The following RALGPS2 variants were observed in gnomAD, a reference collection of about 807,000 sequenced individuals.
RALGPS2 encodes ras-specific guanine nucleotide-releasing factor RalGPS2.
RALGPS2 carries 43 observed loss-of-function variants against 86.8 expected under a neutral mutation model. The observed-to-expected ratio is 0.50, with a 90% CI of 0.39 to 0.64. The LOEUF (loss-of-function observed/expected upper bound fraction) is 0.64. Among genes scored for constraint, RALGPS2 ranks in the 30% least tolerant of loss-of-function variants. The pLI is 0.00. For missense variants in RALGPS2, 536 were observed against 694.6 expected, an observed-to-expected ratio of 0.77 and a Z score of 2.57; for synonymous variants, 243 against 231.3, an observed-to-expected ratio of 1.05 and a Z score of -0.46.
At chr1:178,735,351 G>A (rs913993823) in intron 1 of RALGPS2, among the ~76,000 whole-genome samples, 3 of 152,052 alleles carry the variant, frequency 2.0e-5, no homozygotes, top group African/African-American at 2.4e-5. Flanking sequence ...GTGTTTAGGA[G>A]TTGGGGCTGG....
In RALGPS2 at chr1:178,856,965, G is replaced by A. The variant is rs561244496; in HGVS notation, c.608-20533G>A. Among the ~76,000 whole-genome samples, 4 of 152,220 alleles carry A rather than the reference G, an allele frequency of 2.6e-5. No homozygotes were observed. The South Asian group carries it at 8.3e-4, about 32-fold the overall frequency. On this transcript the variant is annotated intron_variant, in intron 8 of 19. Coordinates refer to ENST00000367635, the MANE Select transcript of RALGPS2 (RefSeq NM_152663.5). ...CTTGGAAAAAATCCCATGTAAACCA[G>A]TATAACCTCTCTGTTTTGCTACCAC...
At chr1:178,781,010 T>G (rs1443350416) in intron 2 of RALGPS2, among the ~76,000 whole-genome samples, 2 of 151,562 alleles carry the variant, frequency 1.3e-5, no homozygotes, top group African/African-American at 4.8e-5. Context: ...TTCTTGAATA[T>G]GTTATATATA....
At chr1:178,890,891 G>T (rs997280596) in intron 14 of RALGPS2, among the ~76,000 whole-genome samples, 1 of 151,966 alleles carries the variant, frequency 6.6e-6, no homozygotes, top group Non-Finnish European at 1.5e-5. Flanking sequence ...CCTGAAATGT[G>T]AAAAACACAA....
chr1:178,838,814 C>T (rs1465983799), intron 8 of RALGPS2, among the ~76,000 whole-genome samples: 1 of 152,152 alleles, frequency 6.6e-6, no homozygotes, highest in Non-Finnish European at 1.5e-5. Flanking sequence ...TAGAGAAGTC[C>T]TTAAATGACC....
chr1:178,907,024 C>T (rs1449112145), intron 19 of RALGPS2, among the ~76,000 whole-genome samples, 157 bp downstream of exon 19: 1 of 152,158 alleles, frequency 6.6e-6, no homozygotes, highest in Non-Finnish European at 1.5e-5. Flanking sequence ...AGGTCTACAT[C>T]TTAGTGAGGA....
chr1:178,799,373 A>G (rs4652327), intron 4 of RALGPS2, among the ~76,000 whole-genome samples: 35,610 of 149,308 alleles, frequency 0.24, 4,887 homozygotes, highest in Non-Finnish European at 0.32. Flanking sequence ...CCTACTCTGG[A>G]AAAAAAAAAT....
At chr1:178,874,128 A>G (rs1266829032) in intron 8 of RALGPS2, among the ~76,000 whole-genome samples, 1 of 152,228 alleles carries the variant, frequency 6.6e-6, no homozygotes, top group Non-Finnish European at 1.5e-5. Flanking sequence ...GGGAAAAAAT[A>G]AGGGAATGAT....
At chr1:178,744,159 T>C (rs965016021) in intron 1 of RALGPS2, among the ~76,000 whole-genome samples, 2 of 152,204 alleles carry the variant, frequency 1.3e-5, no homozygotes, top group African/African-American at 4.8e-5. Context: ...TACATCATAA[T>C]TAACTGGGGT....
chr1:178,906,801 C>T lies in RALGPS2; in HGVS notation c.1656C>T (p.Gly552=). 2 of 1,608,300 alleles carry T rather than the reference C, an allele frequency of 1.2e-6. No individual in the cohort carries two copies. Among genetic ancestry groups the T allele is most frequent in the African/African-American group, 1.3e-5 (1 of 74,736 alleles). The change falls in exon 19 of 20, where the codon GGC becomes GGT. Residue 552 remains glycine, a synonymous_variant. Coordinates refer to ENST00000367635, the MANE Select transcript of RALGPS2 (RefSeq NM_152663.5). ...EKGNSYKFQA[G]NRMNAMLWFK... Reference sequence around the variant, plus strand: ...GAAATTCGTACAAGTTTCAAGCTGGCAATAGAATGAATGCAATGTTATGGT... The same window carrying T: ...GAAATTCGTACAAGTTTCAAGCTGGTAATAGAATGAATGCAATGTTATGGT...
intron 1 of RALGPS2, among the ~76,000 whole-genome samples, chr1:178,745,475 A>G (rs548336625): frequency 2.7e-4 from 41 of 152,380 alleles, no homozygotes; most frequent in South Asian, 6.2e-4. Flanking sequence ...AAGCCAGTAC[A>G]TAAATGGACA....
At chr1:178,847,065 T>G (rs1189820345) in intron 8 of RALGPS2, among the ~76,000 whole-genome samples, 4 of 152,192 alleles carry the variant, frequency 2.6e-5, no homozygotes, top group African/African-American at 9.6e-5. Flanking sequence ...GGTATCTGTG[T>G]TCAGGTTAAA....
At chr1:178,826,132 AG>A (rs1655733532) in intron 7 of RALGPS2, among the ~76,000 whole-genome samples, 1 of 152,208 alleles carries the variant, frequency 6.6e-6, no homozygotes, top group African/African-American at 2.4e-5. Context: ...TAACCGATAA[AG>A]GGAATGTACC....
chr1:178,768,939 G>A (rs1343853593), intron 1 of RALGPS2, among the ~76,000 whole-genome samples: 1 of 152,172 alleles, frequency 6.6e-6, no homozygotes, highest in Admixed American at 6.5e-5. Context: ...AGCAGAGATA[G>A]CCACCCATGC....
At chr1:178,899,679 C>A (rs1660090320) in intron 17 of RALGPS2, among the ~76,000 whole-genome samples, 2 of 145,988 alleles carry the variant, frequency 1.4e-5, no homozygotes, top group African/African-American at 2.6e-5. Context: ...AAATATTTAA[C>A]CTGAATCTTA....
chr1:178,767,321 T>C lies in RALGPS2; in HGVS notation c.-83-9361T>C, dbSNP rs554992793. Among the ~76,000 whole-genome samples the C allele has an allele frequency of 4.6e-5, 7 of 151,800 alleles. No homozygotes were observed. The South Asian group carries it at 1.5e-3, about 32-fold the overall frequency. On this transcript the variant is annotated intron_variant, in intron 1 of 19. Coordinates refer to ENST00000367635, the MANE Select transcript of RALGPS2 (RefSeq NM_152663.5). ...CTGGTTCTTTCTCATCCATGTGGGCTGATATTTCTTCAGTCTCTGAAGTTG... is the reference window on the plus strand; with the variant it reads ...CTGGTTCTTTCTCATCCATGTGGGCCGATATTTCTTCAGTCTCTGAAGTTG...
intron 1 of RALGPS2, among the ~76,000 whole-genome samples, chr1:178,753,337 G>C (rs554224911): frequency 6.6e-6 from 1 of 152,110 alleles, no homozygotes; most frequent in Admixed American, 6.5e-5. Context: ...ATGGTATTTG[G>C]GGGTGGGACA....
chr1:178,875,760 T>A (rs1461335273), intron 8 of RALGPS2, among the ~76,000 whole-genome samples: 2 of 150,936 alleles, frequency 1.3e-5, no homozygotes, highest in Non-Finnish European at 3.0e-5. Flanking sequence ...AAAAAAATGG[T>A]TTAAAAAAAA....
Position 178,846,055 on chromosome 1 carries a change from G to A in RALGPS2, c.607+12505G>A, listed in dbSNP as rs1273749831. On this transcript the variant is annotated intron_variant, in intron 8 of 19. Transcript: ENST00000367635. The stretch of plus-strand genomic sequence containing the variant: ...ATATTCAGTAGAATATAGTTATTTA[G>A]TTTTAGAAATTTCTAACTCATGTAA... Among the ~76,000 whole-genome samples, 15 of 152,208 alleles carry A rather than the reference G, an allele frequency of 9.9e-5. 1 individual carries two copies. The South Asian group carries it at 2.9e-3, about 29-fold the overall frequency.
At chr1:178,857,370 T>C (rs1324147617) in intron 8 of RALGPS2, among the ~76,000 whole-genome samples, 1 of 152,182 alleles carries the variant, frequency 6.6e-6, no homozygotes, top group Non-Finnish European at 1.5e-5. Flanking sequence ...AAATGTCTTT[T>C]CTGCATCTAC....
Sources: gnomAD v4.1 joint callset for allele counts (sites outside exome capture counted in the v4.1 genomes callset) on GRCh38, gnomAD v4.1.1 for gene constraint, MANE v1.5 for transcripts, NCBI Gene and HGNC (gene_info 2026-07-23, HGNC 2026-07-21) for gene names.